KCNB2: variants seen among roughly 807,000 people sequenced by gnomAD.
KCNB2 encodes delayed rectifier potassium channel protein.
In KCNB2, 15 loss-of-function variants were observed where a neutral mutation model predicts 61.5. That is an observed-to-expected ratio of 0.24 (90% CI 0.16 to 0.38). The LOEUF is 0.38. Among genes scored for constraint, KCNB2 ranks in the 10% least tolerant of loss-of-function variants. The pLI is 1.00. For missense variants in KCNB2, 828 were observed against 1,125.2 expected (o/e 0.74, Z 3.78); for synonymous variants, 457 against 446.0 (o/e 1.02, Z -0.31).
intron 2 of KCNB2, among the ~76,000 whole-genome samples, chr8:72,648,779 A>G (rs1266527980): frequency 3.3e-5 from 5 of 152,140 alleles, no homozygotes; most frequent in Non-Finnish European, 7.4e-5. Flanking sequence ...AAAAAGAAAG[A>G]AATTATAATT....
At chr8:72,871,084 G>C (rs1233280010) in intron 2 of KCNB2, among the ~76,000 whole-genome samples, 2 of 152,148 alleles carry the variant, frequency 1.3e-5, no homozygotes, top group Non-Finnish European at 2.9e-5. Flanking sequence ...ATGTGACCTT[G>C]AGCCAGACAA....
At chr8:72,644,025 C>T (rs1806092937) in intron 2 of KCNB2, among the ~76,000 whole-genome samples, 1 of 152,052 alleles carries the variant, frequency 6.6e-6, no homozygotes, top group Non-Finnish European at 1.5e-5. Context: ...AAGAATGCCC[C>T]TTCATTAATT....
At chr8:72,782,551 CA>C (rs1401180928) in intron 2 of KCNB2, among the ~76,000 whole-genome samples, 1 of 152,110 alleles carries the variant, frequency 6.6e-6, no homozygotes, top group Non-Finnish European at 1.5e-5. Context: ...CTTATTGCTT[CA>C]TTTTGATTAT....
Position 72,936,133 on chromosome 8 carries a change from A to G in KCNB2, c.778A>G (p.Lys260Glu), listed in dbSNP as rs746844818. ...LRFLSSPNKW[K>E]FFKGPLNVID... ...ATTCTTATCCTCACCAAATAAATGG[A>G]AGTTCTTCAAAGGCCCACTGAATGT... The change falls in exon 3 of 3, where the codon AAG becomes GAG. Residue 260 changes from lysine to glutamate, a missense_variant. This residue lies in a region of KCNB2 where 163 missense variants were observed against 314.4 expected (regional missense o/e 0.52). Coordinates refer to ENST00000523207, the MANE Select transcript of KCNB2 (RefSeq NM_004770.3). The surrounding 1 kb of genome is among the most constrained non-coding windows in gnomAD (Gnocchi z 5.6). The G allele has an allele frequency of 6.2e-7, 1 of 1,614,156 alleles. No individual in the cohort carries two copies. Among genetic ancestry groups the G allele is most frequent in the South Asian group, 1.1e-5 (1 of 91,074 alleles).
intron 2 of KCNB2, among the ~76,000 whole-genome samples, chr8:72,651,229 G>A (rs1427726480): frequency 1.3e-5 from 2 of 152,004 alleles, no homozygotes; most frequent in Non-Finnish European, 2.9e-5. Flanking sequence ...TTTTCTACAA[G>A]CCTTATAAAA....
At chr8:72,819,124 C>T (rs1379164856) in intron 2 of KCNB2, among the ~76,000 whole-genome samples, 2 of 152,064 alleles carry the variant, frequency 1.3e-5, no homozygotes, top group Non-Finnish European at 2.9e-5. Context: ...TCCAAGGTCA[C>T]GCCACAACCA....
chr8:72,609,242 A>G (rs1023445912), intron 2 of KCNB2, among the ~76,000 whole-genome samples: 3 of 152,194 alleles, frequency 2.0e-5, no homozygotes, highest in African/African-American at 4.8e-5. Context: ...TCACACACAC[A>G]TGCACTCTCA....
chr8:72,775,349 C>T (rs529989058), intron 2 of KCNB2, among the ~76,000 whole-genome samples: 1 of 152,304 alleles, frequency 6.6e-6, no homozygotes, highest in East Asian at 1.9e-4. Context: ...GCCTGCAGAG[C>T]AAAGCCATCT....
chr8:72,617,807 C>G (rs1424099156), intron 2 of KCNB2, among the ~76,000 whole-genome samples: 1 of 152,098 alleles, frequency 6.6e-6, no homozygotes, highest in African/African-American at 2.4e-5. Context: ...CCCCGCCGGC[C>G]CCGGCCCCAA....
At chr8:72,775,664 T>TC (rs1808637356) in intron 2 of KCNB2, among the ~76,000 whole-genome samples, 1 of 148,904 alleles carries the variant, frequency 6.7e-6, no homozygotes, top group Non-Finnish European at 1.5e-5. Flanking sequence ...CTCCTGACCC[T>TC]CCCCCCTTCC....
intron 2 of KCNB2, among the ~76,000 whole-genome samples, chr8:72,724,819 A>G (rs977865015): frequency 1.3e-5 from 2 of 152,210 alleles, no homozygotes; most frequent in African/African-American, 4.8e-5. Context: ...GGACGGATCT[A>G]GCATAATACC....
intron 2 of KCNB2, among the ~76,000 whole-genome samples, chr8:72,645,950 GC>G (rs1232152141): frequency 1.3e-5 from 2 of 152,114 alleles, no homozygotes; most frequent in African/African-American, 4.8e-5. Context: ...TAGGCCACCT[GC>G]CACTGAAATG....
intron 2 of KCNB2, among the ~76,000 whole-genome samples, chr8:72,673,632 TG>T (rs1436487565): frequency 1.2e-4 from 19 of 152,356 alleles, no homozygotes; most frequent in Middle Eastern, 3.4e-3. Flanking sequence ...CATGACATTC[TG>T]TTATGTGCTA....
At chr8:72,670,770 G>A (rs1806550240) in intron 2 of KCNB2, among the ~76,000 whole-genome samples, 1 of 152,146 alleles carries the variant, frequency 6.6e-6, no homozygotes, top group Non-Finnish European at 1.5e-5. Flanking sequence ...CTTTGCTCCA[G>A]GAAAATTGGA....
intron 1 of KCNB2, among the ~76,000 whole-genome samples, chr8:72,561,765 A>ATATGTG (rs1806533181): frequency 3.5e-5 from 1 of 28,414 alleles, no homozygotes; most frequent in African/African-American, 1.6e-4. Context: ...ATATATGGAT[A>ATATGTG]TATATATATA....
intron 2 of KCNB2, among the ~76,000 whole-genome samples, chr8:72,590,820 A>G (rs528806505): frequency 6.6e-6 from 1 of 152,282 alleles, no homozygotes; most frequent in Admixed American, 6.5e-5. Context: ...TCGATTTCTC[A>G]GGATGTGTAT....
intron 2 of KCNB2, among the ~76,000 whole-genome samples, chr8:72,643,304 G>C (rs995069127): frequency 1.3e-5 from 2 of 152,140 alleles, no homozygotes; most frequent in African/African-American, 4.8e-5. Context: ...TCACTGAGGA[G>C]GTATGGGATG....
chr8:72,927,637 G>T (rs548383789), intron 2 of KCNB2, among the ~76,000 whole-genome samples: 2 of 152,296 alleles, frequency 1.3e-5, no homozygotes, highest in South Asian at 4.1e-4. Flanking sequence ...TGAAATCAAG[G>T]CTCTCGCAAT....
At chr8:72,754,245 C>T (rs1259570468) in intron 2 of KCNB2, among the ~76,000 whole-genome samples, 2 of 152,158 alleles carry the variant, frequency 1.3e-5, no homozygotes, top group Admixed American at 6.5e-5. Context: ...TATGGAATTT[C>T]GCAGCCTGGA....
Sources: gnomAD v4.1 joint callset for allele counts (sites outside exome capture counted in the v4.1 genomes callset) on GRCh38, gnomAD v4.1.1 for gene constraint, gnomAD v4.1.1 regional missense constraint, Gnocchi (gnomAD v3.1) non-coding constraint, MANE v1.5 for transcripts, NCBI Gene and HGNC (gene_info 2026-07-23, HGNC 2026-07-21) for gene names.